The following PXDNL variants were observed in gnomAD, a reference collection of about 807,000 sequenced individuals.
The protein encoded by PXDNL is probable oxidoreductase PXDNL.
PXDNL carries 145 observed loss-of-function variants against 150.8 expected under a neutral mutation model. The observed-to-expected ratio is 0.96, with a 90% CI of 0.84 to 1.10. The LOEUF is 1.10. Among genes scored for constraint, PXDNL ranks in the 50% least tolerant of loss-of-function variants. The pLI is 0.00. For synonymous variants in PXDNL, 757 were observed against 725.7 expected (o/e 1.04, Z -0.69); for missense variants, 2,087 against 1,873.9 (o/e 1.11, Z -2.10).
chr8:51,514,467 C>A (rs780262241), intron 4 of PXDNL, among the ~76,000 whole-genome samples: 4 of 152,174 alleles, frequency 2.6e-5, no homozygotes, highest in African/African-American at 9.7e-5. Flanking sequence ...CGCGGGGCAG[C>A]AGACTCAATA....
intron 1 of PXDNL, among the ~76,000 whole-genome samples, chr8:51,738,001 T>C (rs1817073489): frequency 6.6e-6 from 1 of 152,196 alleles, no homozygotes. Context: ...GTCACGCAGA[T>C]GACTGGAACC....
chr8:51,422,781 T>A (rs1479764771), intron 14 of PXDNL, among the ~76,000 whole-genome samples: 1 of 152,172 alleles, frequency 6.6e-6, no homozygotes, highest in Non-Finnish European at 1.5e-5. Context: ...GCAACACTAA[T>A]GTGAACTCCC....
At chr8:51,609,292 A>C (rs1313662156) in intron 2 of PXDNL, among the ~76,000 whole-genome samples, 3 of 152,248 alleles carry the variant, frequency 2.0e-5, no homozygotes, top group Non-Finnish European at 4.4e-5. Context: ...TAAGAATAAA[A>C]AACTAGAAAA....
chr8:51,745,456 C>G (rs117430037), intron 1 of PXDNL, among the ~76,000 whole-genome samples: 3,456 of 152,302 alleles, frequency 0.023, 56 homozygotes, highest in Non-Finnish European at 0.033. Flanking sequence ...TCTAGCAAGT[C>G]TTTAAAATAC....
Position 51,440,356 on chromosome 8 carries a change from A to G in PXDNL, c.1525+6648T>C, listed in dbSNP as rs574007552. 2.6e-5 allele frequency among the ~76,000 whole-genome samples: 4 copies of G among 152,052 alleles called. No homozygotes were observed. The South Asian group carries it at 6.2e-4, about 24-fold the overall frequency. Reference sequence around the variant, plus strand: ...CACTGCTTGGGTAATGGGTGCACCAAAATCTCAGAAATCACCACTAAAGAA... The same window carrying G: ...CACTGCTTGGGTAATGGGTGCACCAGAATCTCAGAAATCACCACTAAAGAA... On this transcript the variant is annotated intron_variant, in intron 12 of 22. Coordinates refer to ENST00000356297, the MANE Select transcript of PXDNL (RefSeq NM_144651.5).
chr8:51,410,718 A>G (rs1448150186), intron 16 of PXDNL, among the ~76,000 whole-genome samples: 1 of 152,244 alleles, frequency 6.6e-6, no homozygotes, highest in Admixed American at 6.5e-5. Flanking sequence ...TTTCTATATC[A>G]TCTCATTTGA....
chr8:51,633,240 T>C (rs766955627), intron 2 of PXDNL, among the ~76,000 whole-genome samples: 23 of 152,226 alleles, frequency 1.5e-4, no homozygotes, highest in Non-Finnish European at 2.8e-4. Context: ...TCATTCTCTT[T>C]TGTGGATGCA....
chr8:51,363,257 A>G lies in PXDNL; in HGVS notation c.3901+8616T>C, dbSNP rs115957820. On this transcript the variant is annotated intron_variant, in intron 19 of 22. Transcript: ENST00000356297. ...TGGGTGCCACGTGGCTAAATGGCAT[A>G]TAGGGGAAGACATTAGGGAAGGTAC... 5.1e-3 allele frequency among the ~76,000 whole-genome samples: 770 copies of G among 152,270 alleles called. 5 individuals carry two copies. The highest frequency in any genetic ancestry group is 0.018 in the African/African-American group (741 of 41,560).
chr8:51,472,284 C>G lies in PXDNL; in HGVS notation c.715G>C (p.Glu239Gln), dbSNP rs763749343. The change falls in exon 8 of 23, where the codon GAG (glutamate) becomes CAG (glutamine). Residue 239 changes from glutamate to glutamine, a missense_variant. By Grantham distance (29) the Glu-to-Gln change is conservative. Coordinates refer to ENST00000356297, the MANE Select transcript of PXDNL (RefSeq NM_144651.5). Reference protein sequence around the residue: ...FNCQSPRITFEPQDVEVPSGN... With the variant: ...FNCQSPRITFQPQDVEVPSGN... ...GATGGTACCTCCACATCCTGCGGCT[C>G]AAAAGTAATTCGGGGGCTCTCTGCA... The G allele has an allele frequency of 6.2e-6, 10 of 1,612,112 alleles. No individual in the cohort carries two copies. The highest frequency in any genetic ancestry group is 8.5e-6 in the Non-Finnish European group (10 of 1,178,754).
At chr8:51,781,724 C>T (rs934072164) in intron 1 of PXDNL, among the ~76,000 whole-genome samples, 3 of 152,184 alleles carry the variant, frequency 2.0e-5, no homozygotes, top group African/African-American at 7.2e-5. Flanking sequence ...GGTGGTCCAG[C>T]CTGGCAAGAG....
At chr8:51,454,074 TTAAA>T (rs1459980272) in intron 9 of PXDNL, among the ~76,000 whole-genome samples, 2 of 150,662 alleles carry the variant, frequency 1.3e-5, no homozygotes, top group Non-Finnish European at 3.0e-5. Flanking sequence ...ATTTTAGGGG[TTAAA>T]TGTTTAAACA....
intron 2 of PXDNL, among the ~76,000 whole-genome samples, chr8:51,608,399 AAAAAG>A (rs1226491543): frequency 6.9e-6 from 1 of 144,908 alleles, no homozygotes; most frequent in Admixed American, 6.7e-5. Context: ...AAAAAAAAAA[AAAAAG>A]AAAGAAAGGA....
chr8:51,577,237 C>CAA (rs1414979850), intron 3 of PXDNL, among the ~76,000 whole-genome samples: 5 of 151,610 alleles, frequency 3.3e-5, no homozygotes, highest in Non-Finnish European at 7.4e-5. Flanking sequence ...TATGGATACA[C>CAA]AAATTGTCAA....
At chr8:51,498,330 T>A (rs2130279231) in intron 5 of PXDNL, among the ~76,000 whole-genome samples, 1 of 151,358 alleles carries the variant, frequency 6.6e-6, no homozygotes, top group South Asian at 2.1e-4. Context: ...TACCTAATGT[T>A]AAATAATGAC....
At chr8:51,591,859 C>T (rs1031315893) in intron 3 of PXDNL, among the ~76,000 whole-genome samples, 1 of 152,172 alleles carries the variant, frequency 6.6e-6, no homozygotes, top group Non-Finnish European at 1.5e-5. Context: ...ACCTCGTGAT[C>T]CGCCCGCCTG....
At chr8:51,510,455 C>T (rs763347226) in intron 4 of PXDNL, among the ~76,000 whole-genome samples, 10 of 152,132 alleles carry the variant, frequency 6.6e-5, no homozygotes, top group Non-Finnish European at 1.3e-4. Context: ...TCCTCCAACA[C>T]AGTGGAGTAG....
At chr8:51,634,876 G>A (rs2130763164) in intron 2 of PXDNL, among the ~76,000 whole-genome samples, 1 of 151,784 alleles carries the variant, frequency 6.6e-6, no homozygotes, top group African/African-American at 2.4e-5. Flanking sequence ...GGAGCCTTTT[G>A]GTGGAATCTT....
At chr8:51,586,861 A>G (rs1230651932) in intron 3 of PXDNL, among the ~76,000 whole-genome samples, 1 of 152,210 alleles carries the variant, frequency 6.6e-6, no homozygotes, top group Non-Finnish European at 1.5e-5. Flanking sequence ...GCTATAATTC[A>G]GAGAAAATAC....
At chr8:51,599,737 C>A (rs893293965) in intron 2 of PXDNL, among the ~76,000 whole-genome samples, 1 of 144,008 alleles carries the variant, frequency 6.9e-6, no homozygotes. Flanking sequence ...TAAATTATAT[C>A]TTATATAAAT....
Sources: gnomAD v4.1 joint callset for allele counts (sites outside exome capture counted in the v4.1 genomes callset) on GRCh38, gnomAD v4.1.1 for gene constraint, MANE v1.5 for transcripts, NCBI Gene and HGNC (gene_info 2026-07-23, HGNC 2026-07-21) for gene names.